GLG1: variants seen among roughly 807,000 people sequenced by gnomAD.
GLG1 encodes Golgi apparatus protein 1.
GLG1 carries 38 observed loss-of-function variants against 160.5 expected under a neutral mutation model. The observed-to-expected ratio is 0.24, with a 90% CI of 0.18 to 0.31. The LOEUF is 0.31. GLG1 is among the 10% of genes least tolerant of loss of function. The pLI is 1.00. For synonymous variants in GLG1, 644 were observed against 543.4 expected, an observed-to-expected ratio of 1.19 and a Z score of -2.57; for missense variants, 1,373 against 1,505.2, an observed-to-expected ratio of 0.91 and a Z score of 1.45.
intron 1 of GLG1, among the ~76,000 whole-genome samples, chr16:74,541,538 GT>G (rs2017867477): frequency 6.6e-6 from 1 of 152,102 alleles, no homozygotes. Flanking sequence ...CAAATTTTGT[GT>G]AGATAAAAGA....
intron 18 of GLG1, 54 bp from the exon 19 acceptor site, chr16:74,465,867 T>A: frequency 1.3e-6 from 2 of 1,506,846 alleles, no homozygotes; most frequent in South Asian, 2.3e-5. Flanking sequence ...TGCTCATCCA[T>A]GTGTTCTGAT....
At chr16:74,567,976 GAC>G (rs2018707928) in intron 1 of GLG1, among the ~76,000 whole-genome samples, 1 of 152,200 alleles carries the variant, frequency 6.6e-6, no homozygotes, top group Admixed American at 6.5e-5. Flanking sequence ...CCTCATTCCT[GAC>G]ACAGATAGAG....
rs1224017439 is a variant in GLG1 at position 74,451,980 on chromosome 16, A to G, written c.*1187T>C. On this transcript the variant is annotated 3_prime_UTR_variant, in exon 26 of 26. Coordinates refer to ENST00000422840, the MANE Select transcript of GLG1 (RefSeq NM_001145667.2). ...AGCAAATCCTCCATCTTTTAATGTGATAACTTTCCACACCCTCTCCACGTA... is the reference window on the plus strand; with the variant it reads ...AGCAAATCCTCCATCTTTTAATGTGGTAACTTTCCACACCCTCTCCACGTA... 4.7e-6 allele frequency: 5 copies of G among 1,072,890 alleles called. No homozygotes were observed. Among genetic ancestry groups the G allele is most frequent in the African/African-American group, 3.1e-5 (2 of 64,258 alleles). The allele number at this position is 1,072,890 out of a possible 1,614,324, so 66.5% of individuals were successfully genotyped here. A position where few individuals can be genotyped will look rare whatever the true frequency, so the allele number is the denominator to read the frequency against.
intron 1 of GLG1, among the ~76,000 whole-genome samples, chr16:74,558,789 T>C: frequency 6.6e-6 from 1 of 152,246 alleles, no homozygotes; most frequent in African/African-American, 2.4e-5. Flanking sequence ...CAGATAAATG[T>C]TTCAATCTGT....
At chr16:74,580,435 G>C (rs1957912908) in intron 1 of GLG1, among the ~76,000 whole-genome samples, 1 of 152,138 alleles carries the variant, frequency 6.6e-6, no homozygotes, top group Non-Finnish European at 1.5e-5. Flanking sequence ...GGAGGTCAAG[G>C]CTGCAGTAAG....
intron 8 of GLG1, among the ~76,000 whole-genome samples, chr16:74,488,442 T>C (rs1415843481): frequency 6.6e-6 from 1 of 152,006 alleles, no homozygotes; most frequent in Non-Finnish European, 1.5e-5. Flanking sequence ...TTTAAAACAT[T>C]CGTCAATTTG....
chr16:74,557,078 A>C (rs1181043603), intron 1 of GLG1, among the ~76,000 whole-genome samples: 1 of 152,146 alleles, frequency 6.6e-6, no homozygotes, highest in Non-Finnish European at 1.5e-5. Flanking sequence ...TTTGCATCTG[A>C]CCAGTTTCAA....
chr16:74,506,592 A>AAAAAAAAAAAAC lies in GLG1; in HGVS notation c.558+2246_558+2247insGTTTTTTTTTTT, dbSNP rs2016615534. 1.3e-5 allele frequency among the ~76,000 whole-genome samples: 2 copies of AAAAAAAAAAAAC among 148,526 alleles called. 1 individual carries two copies. Among genetic ancestry groups the AAAAAAAAAAAAC allele is most frequent in the South Asian group, 4.2e-4 (2 of 4,712 alleles). Reference sequence around the variant, plus strand: ...GCAAGACTCCGTCTCAAAAAAAAAAAAAAAAAAAAAAACTCAAGAGAAACC... The same window carrying AAAAAAAAAAAAC: ...GCAAGACTCCGTCTCAAAAAAAAAAAAAAAAAAAAAACAAAAAAAAAAAACTCAAGAGAAACC... On this transcript the variant is annotated intron_variant, in intron 3 of 25. Transcript: ENST00000422840.
At chr16:74,458,960 A>C (rs897147220) in intron 23 of GLG1, among the ~76,000 whole-genome samples, 20 of 152,208 alleles carry the variant, frequency 1.3e-4, no homozygotes, top group African/African-American at 4.6e-4. Flanking sequence ...TATGCTCCAG[A>C]CAAGACTCTA....
In GLG1 at chr16:74,477,405, C is replaced by T. The variant is rs1410090216; in HGVS notation, c.1956G>A (p.Glu652=). 1 of 1,611,660 alleles carries T rather than the reference C, an allele frequency of 6.2e-7. No homozygotes were observed. The highest frequency in any genetic ancestry group is 1.7e-5 in the Admixed American group (1 of 59,990). The change falls in exon 12 of 26, where the codon GAG becomes GAA. Residue 652 remains glutamate, a synonymous_variant. Transcript: ENST00000422840. ...DLGKWCSEKT[E]TGQELECLQD... Reference sequence around the variant, plus strand: ...AAGCGATGTCACCTACCTGTCCAGTCTCTGTTTTCTCACTGCACCATTTTC... The same window carrying T: ...AAGCGATGTCACCTACCTGTCCAGTTTCTGTTTTCTCACTGCACCATTTTC...
intron 1 of GLG1, among the ~76,000 whole-genome samples, chr16:74,604,840 G>T (rs186375376): frequency 1.3e-5 from 2 of 152,300 alleles, no homozygotes; most frequent in East Asian, 3.9e-4. Context: ...CACAAGGTCA[G>T]GAGATCGAGA....
intron 22 of GLG1, among the ~76,000 whole-genome samples, chr16:74,460,068 C>A (rs963114474): frequency 5.4e-5 from 8 of 148,638 alleles, no homozygotes; most frequent in Non-Finnish European, 8.9e-5. Flanking sequence ...GTTGCCCAGG[C>A]TGAAGTACAA....
chr16:74,549,044 C>G (rs769580219), intron 1 of GLG1, among the ~76,000 whole-genome samples: 2 of 152,050 alleles, frequency 1.3e-5, no homozygotes, highest in Non-Finnish European at 2.9e-5. Context: ...CAGTCATTTG[C>G]CAATCAGCAA....
At chr16:74,485,321 G>T (rs550514625) in intron 9 of GLG1, among the ~76,000 whole-genome samples, 172 of 152,226 alleles carry the variant, frequency 1.1e-3, no homozygotes, top group Middle Eastern at 3.4e-3. Context: ...TATTCATTTT[G>T]TCCATTACTA....
At chr16:74,493,699 A>G (rs12449071) in intron 6 of GLG1, among the ~76,000 whole-genome samples, 41,467 of 152,176 alleles carry the variant, frequency 0.27, 6,115 homozygotes, top group Middle Eastern at 0.35. Flanking sequence ...GCCATCAACT[A>G]TTCTTGCATT....
At chr16:74,538,747 T>TC (rs71158523) in intron 1 of GLG1, among the ~76,000 whole-genome samples, 2 of 136,836 alleles carry the variant, frequency 1.5e-5, no homozygotes, top group South Asian at 2.3e-4. Flanking sequence ...TTTTTTTTTT[T>TC]CTTAAAAAGA....
intron 18 of GLG1, among the ~76,000 whole-genome samples, chr16:74,466,705 A>T (rs550429825): frequency 8.0e-4 from 122 of 152,356 alleles, no homozygotes; most frequent in African/African-American, 2.9e-3. Context: ...ATAGGTAGTT[A>T]TGAAAAGAAG....
intron 1 of GLG1, among the ~76,000 whole-genome samples, chr16:74,584,199 A>G (rs1957997159): frequency 6.6e-6 from 1 of 152,190 alleles, no homozygotes; most frequent in Non-Finnish European, 1.5e-5. Context: ...CTAAGTTAAT[A>G]TAGACATTTC....
chr16:74,512,004 G>GT (rs1201172430), intron 2 of GLG1, among the ~76,000 whole-genome samples: 1 of 151,878 alleles, frequency 6.6e-6, no homozygotes, highest in East Asian at 1.9e-4. Context: ...CAATTCAGTG[G>GT]TTTTTTACTT....
Sources: gnomAD v4.1 joint callset for allele counts (sites outside exome capture counted in the v4.1 genomes callset) on GRCh38, gnomAD v4.1.1 for gene constraint, MANE v1.5 for transcripts, NCBI Gene and HGNC (gene_info 2026-07-23, HGNC 2026-07-21) for gene names.